Variants in CACNG3 observed in about 807,000 individuals in gnomAD.
CACNG3 encodes the protein voltage-dependent calcium channel gamma-3 subunit.
A neutral mutation model predicts 28.5 loss-of-function variants in CACNG3; 3 were observed. The ratio of observed to expected loss-of-function variants is 0.11; its 90% CI spans 0.05 to 0.27. CACNG3 has a LOEUF of 0.27. Among genes scored for constraint, CACNG3 ranks in the 10% least tolerant of loss-of-function variants. The pLI, the probability that CACNG3 is intolerant of heterozygous loss-of-function variation, is 1.00. For synonymous variants in CACNG3, 174 were observed against 162.2 expected, an observed-to-expected ratio of 1.07 and a Z score of -0.55; for missense variants, 236 against 414.4, an observed-to-expected ratio of 0.57 and a Z score of 3.74.
At position 24,340,181 on chromosome 16, in the gene CACNG3, G is replaced by A. The variant is rs946801518; in HGVS notation, c.212-6553G>A. On this transcript the variant is annotated intron_variant, in intron 1 of 3. Coordinates refer to ENST00000005284, the MANE Select transcript of CACNG3 (RefSeq NM_006539.4). ...AGCTACATGGGAGGCTGAGGTGGGA[G>A]GATCGCTTGAACCCAGGAGTTCAAG... Among the ~76,000 whole-genome samples the A allele has an allele frequency of 2.8e-4, 43 of 152,116 alleles. 1 individual carries two copies.
chr16:24,288,726 A>T (rs1898927050), intron 1 of CACNG3, among the ~76,000 whole-genome samples: 1 of 152,144 alleles, frequency 6.6e-6, no homozygotes, highest in African/African-American at 2.4e-5. Flanking sequence ...GCTCACTACT[A>T]GTGTGAGTGA....
intron 1 of CACNG3, among the ~76,000 whole-genome samples, chr16:24,293,687 C>A (rs1898994624): frequency 6.6e-6 from 1 of 152,124 alleles, no homozygotes. Flanking sequence ...CTACAATTAA[C>A]AGTTAAATAG....
chr16:24,275,275 G>A (rs1371436571), intron 1 of CACNG3, among the ~76,000 whole-genome samples: 1 of 152,122 alleles, frequency 6.6e-6, no homozygotes. Flanking sequence ...AGGTAAAACT[G>A]TTGGAGCCTG....
chr16:24,265,469 G>GGAGA (rs139752998), intron 1 of CACNG3, among the ~76,000 whole-genome samples: 3 of 146,212 alleles, frequency 2.1e-5, no homozygotes, highest in Non-Finnish European at 3.0e-5. Context: ...AAGGAAGGAA[G>GGAGA]GAGAGAGAGA....
At chr16:24,312,916 GAAGGAAGA>G (rs869174387) in intron 1 of CACNG3, among the ~76,000 whole-genome samples, 25 of 43,164 alleles carry the variant, frequency 5.8e-4, no homozygotes, top group Admixed American at 1.2e-3. Context: ...AGGAAGGAAG[GAAGGAAGA>G]AAGAAAGAAA....
At chr16:24,259,186 T>C (rs567733315) in intron 1 of CACNG3, among the ~76,000 whole-genome samples, 1 of 152,348 alleles carries the variant, frequency 6.6e-6, no homozygotes, top group East Asian at 1.9e-4. Context: ...GTTCACTTTT[T>C]TGAAGTATTA....
At chr16:24,280,293 AT>A (rs143435414) in intron 1 of CACNG3, among the ~76,000 whole-genome samples, 228 of 152,320 alleles carry the variant, frequency 1.5e-3, no homozygotes, top group African/African-American at 5.3e-3. Context: ...GACCTTTAGA[AT>A]TTGAAATGAT....
chr16:24,356,176 G>A (rs1231586579), intron 3 of CACNG3, among the ~76,000 whole-genome samples: 2 of 152,166 alleles, frequency 1.3e-5, no homozygotes, highest in African/African-American at 2.4e-5. Flanking sequence ...GCAAAGAACA[G>A]GGTAGGGATG....
chr16:24,267,389 G>A (rs1191752614), intron 1 of CACNG3, among the ~76,000 whole-genome samples: 1 of 152,092 alleles, frequency 6.6e-6, no homozygotes, highest in Non-Finnish European at 1.5e-5. Context: ...CTGGGCTCAA[G>A]GGATCCTCCC....
chr16:24,353,274 T>G (rs1175891928), intron 2 of CACNG3, among the ~76,000 whole-genome samples: 3 of 152,322 alleles, frequency 2.0e-5, no homozygotes, highest in Non-Finnish European at 4.4e-5. Flanking sequence ...CATGCCTGGC[T>G]AGGCCTCACA....
At chr16:24,263,485 A>C (rs1898561312) in intron 1 of CACNG3, among the ~76,000 whole-genome samples, 1 of 152,236 alleles carries the variant, frequency 6.6e-6, no homozygotes, top group Non-Finnish European at 1.5e-5. Context: ...AGGTTGTTTT[A>C]ATTTTCTCCC....
intron 1 of CACNG3, among the ~76,000 whole-genome samples, chr16:24,294,781 G>T (rs1296969235): frequency 6.6e-6 from 1 of 152,162 alleles, no homozygotes; most frequent in Non-Finnish European, 1.5e-5. Context: ...AATCTTGCCT[G>T]CCGTAAGAGT....
At chr16:24,274,204 A>AC (rs1567208134) in intron 1 of CACNG3, among the ~76,000 whole-genome samples, 13 of 151,542 alleles carry the variant, frequency 8.6e-5, no homozygotes, top group East Asian at 3.9e-4. Flanking sequence ...AAAAAAACAA[A>AC]AAAAAAAAAC....
intron 1 of CACNG3, among the ~76,000 whole-genome samples, chr16:24,287,841 G>A (rs996663204): frequency 6.6e-6 from 1 of 152,166 alleles, no homozygotes; most frequent in African/African-American, 2.4e-5. Flanking sequence ...GGTACAGTGG[G>A]CTTATGCCTG....
intron 1 of CACNG3, among the ~76,000 whole-genome samples, chr16:24,261,275 C>T (rs1431070614): frequency 6.6e-6 from 1 of 152,076 alleles, no homozygotes; most frequent in Non-Finnish European, 1.5e-5. Flanking sequence ...GTAACTGAAA[C>T]TCGGTCTCAG....
At chr16:24,307,789 T>A (rs1048457837) in intron 1 of CACNG3, among the ~76,000 whole-genome samples, 1 of 152,120 alleles carries the variant, frequency 6.6e-6, no homozygotes, top group African/African-American at 2.4e-5. Flanking sequence ...CATAACAGAA[T>A]GGTGGCGTGA....
intron 1 of CACNG3, among the ~76,000 whole-genome samples, chr16:24,267,597 ATAAT>A (rs766066574): frequency 6.6e-6 from 1 of 151,752 alleles, no homozygotes; most frequent in Non-Finnish European, 1.5e-5. Flanking sequence ...CTAGAAAAAA[ATAAT>A]TAATAGCTAA....
chr16:24,279,749 C>A (rs937912959), intron 1 of CACNG3, among the ~76,000 whole-genome samples: 1 of 152,188 alleles, frequency 6.6e-6, no homozygotes, highest in Non-Finnish European at 1.5e-5. Context: ...CTGACTGTTG[C>A]ATGTAAAGGT....
intron 1 of CACNG3, among the ~76,000 whole-genome samples, chr16:24,332,891 A>G (rs1235281632): frequency 6.6e-6 from 1 of 152,174 alleles, no homozygotes; most frequent in Non-Finnish European, 1.5e-5. Context: ...ACGTGACAAA[A>G]CAACGAAAAT....
Sources: allele counts gnomAD v4.1 joint callset (sites outside exome capture counted in the v4.1 genomes callset), GRCh38; gene constraint gnomAD v4.1.1; transcripts MANE v1.5; gene names NCBI Gene and HGNC (gene_info 2026-07-23, HGNC 2026-07-21).